PTPRO: variants seen among roughly 807,000 people sequenced by gnomAD.
PTPRO encodes the protein receptor-type tyrosine-protein phosphatase O.
In PTPRO, 62 loss-of-function variants were observed where a neutral mutation model predicts 145.2. That is an observed-to-expected ratio of 0.43 (90% CI 0.35 to 0.53). PTPRO has a LOEUF of 0.53. Ranked by LOEUF, PTPRO falls within the 20% of genes least tolerant of loss-of-function variation. The probability of loss-of-function intolerance (pLI) is 0.01; values close to 1 mark genes in which losing one functional copy is unlikely to be tolerated. For synonymous variants in PTPRO, 565 were observed against 514.7 expected, an observed-to-expected ratio of 1.10 and a Z score of -1.32; for missense variants, 1,345 against 1,482.7, an observed-to-expected ratio of 0.91 and a Z score of 1.53.
intron 12 of PTPRO, among the ~76,000 whole-genome samples, chr12:15,531,059 A>G (rs1311230685): frequency 6.6e-6 from 1 of 152,192 alleles, no homozygotes; most frequent in African/African-American, 2.4e-5. Flanking sequence ...TCATAAATAC[A>G]AAGAATCATG....
intron 1 of PTPRO, chr12:15,440,439 C>A: frequency 4.3e-6 from 1 of 233,954 alleles, no homozygotes; most frequent in Non-Finnish European, 8.2e-6. Flanking sequence ...TGAATTAAGC[C>A]TGAAAAAAAA....
chr12:15,464,964 A>G (rs1359960010), intron 1 of PTPRO, among the ~76,000 whole-genome samples: 1 of 152,210 alleles, frequency 6.6e-6, no homozygotes, highest in African/African-American at 2.4e-5. Context: ...TCTATTTTTC[A>G]CTTTTTGAAA....
intron 10 of PTPRO, among the ~76,000 whole-genome samples, chr12:15,521,321 G>T (rs1466060136): frequency 6.6e-6 from 1 of 151,948 alleles, no homozygotes; most frequent in Non-Finnish European, 1.5e-5. Context: ...CCAATATCCA[G>T]AGCACTTTTT....
At chr12:15,374,849 C>T (rs1276347176) in intron 1 of PTPRO, among the ~76,000 whole-genome samples, 1 of 152,114 alleles carries the variant, frequency 6.6e-6, no homozygotes. Context: ...GATTTAGAAG[C>T]CACATGTATA....
rs767998618 is a variant in PTPRO at position 15,551,660 on chromosome 12, G to T, written c.2547G>T (p.Leu849=). The part of the protein sequence containing the change: ...VTLIILRKKH[L]QMARECGAGT... ...TCATTATTCTTAGGAAAAAGCATCT[G>T]CAGATGGCTAGGTAAGTTAAGTTTT... The change falls in exon 15 of 27, where the codon CTG becomes CTT. Residue 849 remains leucine, a synonymous_variant. Transcript: ENST00000281171. 6.2e-7 allele frequency: 1 copy of T among 1,613,444 alleles called. No individual in the cohort carries two copies. Among genetic ancestry groups the T allele is most frequent in the Non-Finnish European group, 8.5e-7 (1 of 1,179,658 alleles).
At chr12:15,347,255 T>C (rs985025461) in intron 1 of PTPRO, among the ~76,000 whole-genome samples, 6 of 152,242 alleles carry the variant, frequency 3.9e-5, no homozygotes, top group African/African-American at 1.4e-4. Context: ...AACAGTTTTC[T>C]ATTCTTTGAA....
chr12:15,441,550 A>C (rs1940764822), intron 1 of PTPRO, among the ~76,000 whole-genome samples: 2 of 152,280 alleles, frequency 1.3e-5, no homozygotes, highest in African/African-American at 2.4e-5. Flanking sequence ...AATTCATACA[A>C]AGTATCAACA....
At chr12:15,535,745 C>T (rs1286342693) in intron 12 of PTPRO, among the ~76,000 whole-genome samples, 1 of 152,186 alleles carries the variant, frequency 6.6e-6, no homozygotes, top group Non-Finnish European at 1.5e-5. Context: ...AAAAATTTAA[C>T]AGAACAGGGA....
chr12:15,345,846 G>A (rs1321363391), intron 1 of PTPRO, among the ~76,000 whole-genome samples: 4 of 152,092 alleles, frequency 2.6e-5, no homozygotes, highest in Admixed American at 6.5e-5. Context: ...AACAAACTGT[G>A]AAGGAAAAAG....
chr12:15,516,013 CAG>C (rs1328085452), intron 8 of PTPRO, among the ~76,000 whole-genome samples: 2 of 104,070 alleles, frequency 1.9e-5, no homozygotes, highest in Admixed American at 2.7e-4. Context: ...TTTTTGGAGA[CAG>C]AGTCTCGCTC....
chr12:15,536,396 T>C (rs992512234), intron 12 of PTPRO, among the ~76,000 whole-genome samples: 2 of 152,132 alleles, frequency 1.3e-5, no homozygotes, highest in African/African-American at 4.8e-5. Context: ...TGAGATTCTG[T>C]AGGCAGAAGG....
intron 12 of PTPRO, among the ~76,000 whole-genome samples, chr12:15,530,182 A>G (rs1312276463): frequency 2.6e-5 from 4 of 152,228 alleles, no homozygotes; most frequent in Non-Finnish European, 5.9e-5. Flanking sequence ...GGATATAACA[A>G]TTATAAATAT....
intron 3 of PTPRO, among the ~76,000 whole-genome samples, chr12:15,498,526 C>T (rs1942154218): frequency 6.6e-6 from 1 of 152,136 alleles, no homozygotes. Context: ...TGACTGCACT[C>T]CAGCCTGGGC....
chr12:15,511,003 CAAA>C (rs10648692), intron 7 of PTPRO, among the ~76,000 whole-genome samples: 7,288 of 105,684 alleles, frequency 0.069, 210 homozygotes, highest in East Asian at 0.13. Flanking sequence ...TCTGTCTCCA[CAAA>C]AAAAAAAAAA....
chr12:15,503,895 A>G lies in PTPRO; in HGVS notation c.1106-13A>G, dbSNP rs746493074. 1 of 1,553,190 alleles carries G rather than the reference A, an allele frequency of 6.4e-7. No individual in the cohort carries two copies. The highest frequency in any genetic ancestry group is 8.9e-7 in the Non-Finnish European group (1 of 1,126,462). On this transcript the variant is annotated splice_polypyrimidine_tract_variant and intron_variant, in intron 5 of 26. Transcript: ENST00000281171. ...TCTATTCATGTATCTTCTCTTTTTT[A>G]TATATGATTTAGAGAACTTTACTGA... is the stretch of plus-strand genomic sequence containing the variant.
chr12:15,567,518 T>TC (rs1466340129), intron 18 of PTPRO, among the ~76,000 whole-genome samples: 2 of 152,100 alleles, frequency 1.3e-5, no homozygotes, highest in African/African-American at 4.8e-5. Flanking sequence ...CTCTCTCTTT[T>TC]CCCTCTGCTT....
At chr12:15,336,263 A>G (rs1169829745) in intron 1 of PTPRO, among the ~76,000 whole-genome samples, 4 of 151,938 alleles carry the variant, frequency 2.6e-5, no homozygotes, top group Non-Finnish European at 4.4e-5. Context: ...CTTCCCTACT[A>G]TACATGCTTT....
At chr12:15,416,468 C>T (rs1372353980) in intron 1 of PTPRO, among the ~76,000 whole-genome samples, 2 of 151,256 alleles carry the variant, frequency 1.3e-5, no homozygotes, top group African/African-American at 2.5e-5. Context: ...TACAGGCGCC[C>T]ACCACCATGC....
At chr12:15,330,627 C>G (rs1391639153) in intron 1 of PTPRO, among the ~76,000 whole-genome samples, 2 of 152,178 alleles carry the variant, frequency 1.3e-5, no homozygotes, top group African/African-American at 4.8e-5. Context: ...ATTCTCCTAG[C>G]CTCCACCCTG....
Sources: gnomAD v4.1 joint callset for allele counts (sites outside exome capture counted in the v4.1 genomes callset) on GRCh38, gnomAD v4.1.1 for gene constraint, MANE v1.5 for transcripts, NCBI Gene and HGNC (gene_info 2026-07-23, HGNC 2026-07-21) for gene names.